The following DST variants were observed in gnomAD, a reference collection of about 807,000 sequenced individuals.
DST encodes the protein bullous pemphigoid antigen.
Under a neutral mutation model 875.2 loss-of-function variants are expected in DST, and 253 were observed. The ratio of observed to expected loss-of-function variants is 0.29; its 90% CI spans 0.26 to 0.32. The LOEUF (loss-of-function observed/expected upper bound fraction) is 0.32. Among genes scored for constraint, DST ranks in the 10% least tolerant of loss-of-function variants. The pLI, the probability that DST is intolerant of heterozygous loss-of-function variation, is 1.00. For synonymous variants in DST, 3,124 were observed against 3,197.1 expected (o/e 0.98, Z 0.77); for missense variants, 8,287 against 9,111.6 (o/e 0.91, Z 3.68).
intron 4 of DST, among the ~76,000 whole-genome samples, chr6:56,823,745 C>T (rs578186731): frequency 1.3e-5 from 2 of 152,202 alleles, no homozygotes; most frequent in Non-Finnish European, 2.9e-5. Flanking sequence ...TTACTTCAAA[C>T]TTCATCTGCT....
intron 86 of DST, among the ~76,000 whole-genome samples, chr6:56,488,709 T>C (rs1465189938): frequency 2.0e-5 from 3 of 152,226 alleles, no homozygotes; most frequent in Non-Finnish European, 4.4e-5. Context: ...CGATAATTTA[T>C]ATGTACGTGC....
intron 4 of DST, among the ~76,000 whole-genome samples, chr6:56,763,767 G>C (rs540358430): frequency 1.3e-5 from 2 of 148,374 alleles, no homozygotes; most frequent in East Asian, 4.2e-4. Flanking sequence ...ACCAAAGGAT[G>C]TGCCTAGCAA....
intron 10 of DST, among the ~76,000 whole-genome samples, chr6:56,655,997 T>C (rs1002607671): frequency 5.3e-5 from 8 of 152,256 alleles, no homozygotes; most frequent in African/African-American, 1.9e-4. Flanking sequence ...CTTTTGAGGA[T>C]TAAATAAATA....
At chr6:56,929,450 T>C (rs1808980931) in intron 2 of DST, among the ~76,000 whole-genome samples, 1 of 152,132 alleles carries the variant, frequency 6.6e-6, no homozygotes, top group Admixed American at 6.5e-5. Flanking sequence ...TGCAAAACAG[T>C]GTATACAATA....
chr6:56,918,869 G>T (rs1024945301), intron 2 of DST, among the ~76,000 whole-genome samples: 4 of 152,168 alleles, frequency 2.6e-5, no homozygotes, highest in African/African-American at 9.7e-5. Context: ...ACTCCAGCCT[G>T]GGTGACGGAG....
At chr6:56,472,029 A>G in intron 94 of DST, 30 bp downstream of exon 94, 1 of 1,610,892 alleles carries the variant, frequency 6.2e-7, no homozygotes, top group Non-Finnish European at 8.5e-7. Flanking sequence ...GCAAATGACA[A>G]TGTGGTGTTG....
intron 4 of DST, among the ~76,000 whole-genome samples, chr6:56,789,160 G>A (rs1590402600): frequency 6.6e-6 from 1 of 152,054 alleles, no homozygotes; most frequent in East Asian, 1.9e-4. Flanking sequence ...GTGAGACCCT[G>A]TTTCTATAAA....
intron 4 of DST, among the ~76,000 whole-genome samples, chr6:56,782,766 C>T (rs1304087390): frequency 6.6e-6 from 1 of 152,142 alleles, no homozygotes; most frequent in African/African-American, 2.4e-5. Context: ...CTTCTGTTAG[C>T]TTTTGAATGT....
intron 61 of DST, among the ~76,000 whole-genome samples, chr6:56,545,242 A>G (rs925134143): frequency 1.3e-5 from 2 of 151,962 alleles, no homozygotes; most frequent in African/African-American, 2.4e-5. Flanking sequence ...GGGCTCAAGC[A>G]GTCCTCCTGC....
chr6:56,843,187 C>G (rs754038450), intron 4 of DST: 2 of 1,508,272 alleles, frequency 1.3e-6, no homozygotes, highest in South Asian at 2.7e-5. Flanking sequence ...TTCCCCTCTC[C>G]CCCTCGTAAC....
chr6:56,502,257 T>C (rs748783159), intron 78 of DST, among the ~76,000 whole-genome samples: 1 of 152,146 alleles, frequency 6.6e-6, no homozygotes. Context: ...TTAATCATCT[T>C]GGCTTTGCCA....
In DST at chr6:56,535,349, G is replaced by A. The variant is rs373338739; in HGVS notation, c.16771-57C>T. The A allele has an allele frequency of 4.0e-6, 6 of 1,497,264 alleles. No individual in the cohort carries two copies. In the East Asian group the frequency reaches 1.0e-4, roughly 25 times the overall value. 92.7% of individuals were successfully genotyped at this position (1,497,264 alleles called of 1,614,324 possible). On this transcript the variant is annotated intron_variant, in intron 62 of 103. Coordinates refer to ENST00000680361, the MANE Select transcript of DST (RefSeq NM_001374736.1). ...TTTGTTTCACAAAATAATGCAATCT[G>A]AGCACAAATCACTATTTTACATGCT...
chr6:56,813,844 C>G (rs751201904), intron 4 of DST, among the ~76,000 whole-genome samples: 1 of 152,058 alleles, frequency 6.6e-6, no homozygotes, highest in Non-Finnish European at 1.5e-5. Context: ...ACTAGAGTTT[C>G]ATTATGATGC....
chr6:56,831,308 T>C (rs1163308213), intron 4 of DST, among the ~76,000 whole-genome samples: 1 of 152,214 alleles, frequency 6.6e-6, no homozygotes, highest in Non-Finnish European at 1.5e-5. Context: ...CGGTTATGTA[T>C]AAGCAAAATC....
chr6:56,568,914 T>C (rs2097727208), intron 54 of DST, among the ~76,000 whole-genome samples: 1 of 152,164 alleles, frequency 6.6e-6, no homozygotes, highest in South Asian at 2.1e-4. Flanking sequence ...TGTAAAACTG[T>C]ACTAGGTAAG....
chr6:56,544,020 A>C (rs1187763348), intron 61 of DST, among the ~76,000 whole-genome samples: 1 of 152,236 alleles, frequency 6.6e-6, no homozygotes. Context: ...AAAAATATCC[A>C]TCCACATCAC....
intron 3 of DST, among the ~76,000 whole-genome samples, chr6:56,868,710 G>C (rs1775503612): frequency 6.6e-6 from 1 of 152,132 alleles, no homozygotes; most frequent in South Asian, 2.1e-4. Context: ...ATTTTTATCT[G>C]ATTTTATCAC....
At chr6:56,659,652 A>C (rs72881010) in intron 10 of DST, among the ~76,000 whole-genome samples, 5,305 of 152,250 alleles carry the variant, frequency 0.035, 109 homozygotes, top group Non-Finnish European at 0.055. Flanking sequence ...GAAATGATGG[A>C]GGATATTGCC....
Position 56,604,969 on chromosome 6 carries a change from A to G in DST, c.9659T>C (p.Leu3220Ser). Residue 3220 changes from leucine (L) to serine (S), a missense_variant, in exon 40 of 104, where the codon TTA becomes TCA. Physicochemically the swap from Leu to Ser is moderately radical, Grantham distance 145 (BLOSUM62 -2). Around this residue, in one of 10 missense-constraint regions of DST, gnomAD observed 3,138 missense variants for 3,116.6 expected, o/e 1.01. Transcript: ENST00000680361. ...CTTCTCTTTTGTATTATTAACTCCT[A>G]ATTGTAAATGTTCTTTCATGGGAGG... Reference protein sequence around the residue: ...TAPPMKEHLQLGVNNTKEKST... With the variant: ...TAPPMKEHLQSGVNNTKEKST... 6.2e-7 allele frequency: 1 copy of G among 1,612,830 alleles called. No homozygotes were observed. Among genetic ancestry groups the G allele is most frequent in the Non-Finnish European group, 8.5e-7 (1 of 1,179,228 alleles).
Sources: gnomAD v4.1 joint callset for allele counts (sites outside exome capture counted in the v4.1 genomes callset) on GRCh38, gnomAD v4.1.1 for gene constraint, gnomAD v4.1.1 regional missense constraint, MANE v1.5 for transcripts, NCBI Gene and HGNC (gene_info 2026-07-23, HGNC 2026-07-21) for gene names.